Variants in CEP63 observed in about 807,000 individuals in gnomAD.
CEP63 encodes centrosomal protein of 63 kDa.
CEP63 carries 84 observed loss-of-function variants against 89.1 expected under a neutral mutation model. The ratio of observed to expected loss-of-function variants is 0.94; its 90% CI spans 0.79 to 1.13. The LOEUF (loss-of-function observed/expected upper bound fraction) is 1.13, where lower values mean the gene tolerates loss of function less well. CEP63 is among the 50% of genes most tolerant of loss of function. The pLI is 0.00. For synonymous variants in CEP63, 267 were observed against 272.5 expected (o/e 0.98, Z 0.20); for missense variants, 838 against 813.3 (o/e 1.03, Z -0.37).
chr3:134,666,880 A>T, the CEP63 span, among the ~76,000 whole-genome samples: 1 of 152,218 alleles, frequency 6.6e-6, no homozygotes, highest in African/African-American at 2.4e-5. Flanking sequence ...ATGGCAAGTA[A>T]CACACCCAAG....
At chr3:134,740,802 G>A in the CEP63 span, among the ~76,000 whole-genome samples, 13 of 152,294 alleles carry the variant, frequency 8.5e-5, no homozygotes, top group Non-Finnish European at 4.4e-5. Context: ...CTCTCCTAAA[G>A]CAACGAGGGC....
the CEP63 span, among the ~76,000 whole-genome samples, chr3:134,616,788 A>T: frequency 2.6e-5 from 4 of 152,176 alleles, no homozygotes; most frequent in African/African-American, 9.7e-5. Flanking sequence ...TCTGTAGGAA[A>T]ACTCCACAGA....
At chr3:134,527,150 C>T (rs1948818055) in intron 3 of CEP63, among the ~76,000 whole-genome samples, 1 of 152,168 alleles carries the variant, frequency 6.6e-6, no homozygotes, top group South Asian at 2.1e-4. Context: ...TGCCAGGGTG[C>T]TGGTGGGTGC....
chr3:134,759,818 A>T, the CEP63 span, among the ~76,000 whole-genome samples: 1 of 152,214 alleles, frequency 6.6e-6, no homozygotes, highest in Non-Finnish European at 1.5e-5. Context: ...TGTGTTTGCA[A>T]GGTGCCTGGA....
chr3:134,706,354 T>C, the CEP63 span, among the ~76,000 whole-genome samples: 1 of 152,160 alleles, frequency 6.6e-6, no homozygotes, highest in Non-Finnish European at 1.5e-5. Context: ...TTAGGGCAAG[T>C]CATTTTACTT....
chr3:134,577,478 C>T (rs1176881137), downstream of CEP63, among the ~76,000 whole-genome samples: 1 of 119,710 alleles, frequency 8.4e-6, no homozygotes, highest in African/African-American at 3.2e-5. Context: ...GCTGTGTCAC[C>T]CAGGCTGGTG....
the CEP63 span, chr3:134,604,408 C>T: frequency 1.2e-6 from 2 of 1,613,972 alleles, no homozygotes; most frequent in Non-Finnish European, 1.7e-6. Flanking sequence ...CTCTTGCTTG[C>T]CATTGAGCAT....
chr3:134,509,442 A>G lies in CEP63; in HGVS notation c.222+2156A>G, dbSNP rs150788629. 4.0e-3 allele frequency among the ~76,000 whole-genome samples: 617 copies of G among 152,360 alleles called. 3 individuals are homozygous for G. Among genetic ancestry groups the G allele is most frequent in the Non-Finnish European group, 7.2e-3 (487 of 68,036 alleles). On this transcript the variant is annotated intron_variant, in intron 3 of 14. Transcript: ENST00000675561. ...TTATAGTTCCACATGAGATTTGAGCAGGGACACAGACCCAAACCATATCAC... is the reference window on the plus strand; with the variant it reads ...TTATAGTTCCACATGAGATTTGAGCGGGGACACAGACCCAAACCATATCAC...
At chr3:134,749,927 G>A in the CEP63 span, among the ~76,000 whole-genome samples, 1 of 152,060 alleles carries the variant, frequency 6.6e-6, no homozygotes, top group South Asian at 2.1e-4. Context: ...TAATGGGTGT[G>A]AGCGCCCAGG....
At chr3:134,504,346 G>A (rs1942909407) in intron 2 of CEP63, among the ~76,000 whole-genome samples, 2 of 152,092 alleles carry the variant, frequency 1.3e-5, no homozygotes, top group African/African-American at 4.8e-5. Context: ...TTTGAAGGAT[G>A]GCTCTGTTGG....
chr3:134,541,408 G>GT (rs1456513907), intron 6 of CEP63, among the ~76,000 whole-genome samples: 2 of 147,370 alleles, frequency 1.4e-5, no homozygotes, highest in Non-Finnish European at 3.0e-5. Context: ...ATCTAAATTT[G>GT]TTTTTTAAAT....
intron 13 of CEP63, 150 bp downstream of exon 13, chr3:134,558,497 G>C (rs1288198823): frequency 2.9e-6 from 2 of 679,376 alleles, no homozygotes; most frequent in East Asian, 5.4e-5. Context: ...GTAAAGCTAT[G>C]ATCATGTTAA....
the CEP63 span, among the ~76,000 whole-genome samples, chr3:134,702,519 A>G: frequency 5.3e-5 from 8 of 152,234 alleles, no homozygotes; most frequent in African/African-American, 1.9e-4. Flanking sequence ...CTGGTACAAG[A>G]GCAGACACAT....
intron 11 of CEP63, among the ~76,000 whole-genome samples, chr3:134,551,013 G>A (rs1051778316): frequency 3.9e-5 from 6 of 152,194 alleles, no homozygotes; most frequent in African/African-American, 1.2e-4. Flanking sequence ...TTTAAACTTA[G>A]GCAACTGATG....
Position 134,559,289 on chromosome 3 carries a change from C to T in CEP63, c.1813C>T (p.Pro605Ser), listed in dbSNP as rs1345548017. Residue 605 changes from proline to serine, a missense_variant, in exon 14 of 15, where the codon CCT becomes TCT. Coordinates refer to ENST00000675561, the MANE Select transcript of CEP63 (RefSeq NM_001353108.3). ...AAGCCCCCTGAGTCCTCAAATCAGC[C>T]CTTGCAGCTCCACCAGGTCTTTGAC... ...VLSPLSPQIS[P>S]CSSTRSLTSY... The T allele has an allele frequency of 1.2e-6, 2 of 1,614,148 alleles. No individual in the cohort carries two copies.
At chr3:134,560,475 A>T (rs1334553220) in intron 14 of CEP63, among the ~76,000 whole-genome samples, 1 of 152,156 alleles carries the variant, frequency 6.6e-6, no homozygotes, top group Non-Finnish European at 1.5e-5. Context: ...AGTAGGCAGC[A>T]CTCTGCCTTG....
chr3:134,641,406 G>A, the CEP63 span: 1 of 152,162 alleles, frequency 6.6e-6, no homozygotes, highest in African/African-American at 2.4e-5. Flanking sequence ...CTTAAACAAG[G>A]GAGCACAGGG....
the CEP63 span, chr3:134,607,385 A>G: frequency 1.3e-5 from 13 of 985,544 alleles, no homozygotes; most frequent in Non-Finnish European, 1.6e-5. Context: ...TTGCCCTGCA[A>G]TGTGGGTTGG....
intron 3 of CEP63, among the ~76,000 whole-genome samples, chr3:134,520,017 G>A (rs77282560): frequency 0.016 from 2,467 of 152,240 alleles, 57 homozygotes; most frequent in African/African-American, 0.055. Context: ...CAGAGATTGT[G>A]AATGAGACAA....
Sources: allele counts gnomAD v4.1 joint callset (sites outside exome capture counted in the v4.1 genomes callset), GRCh38; gene constraint gnomAD v4.1.1; transcripts MANE v1.5; gene names NCBI Gene and HGNC (gene_info 2026-07-23, HGNC 2026-07-21).